The following PVALEF variants were observed in gnomAD, a reference collection of about 807,000 sequenced individuals.
PVALEF encodes the protein parvalbumin-like EF-hand-containing protein.
PVALEF carries 2 observed loss-of-function variants against 1.2 expected under a neutral mutation model. The observed-to-expected ratio is 1.68, with a 90% CI of 0.69 to 5.28. The LOEUF (loss-of-function observed/expected upper bound fraction) is 5.28. Among genes scored for constraint, PVALEF ranks in the 30% most tolerant of loss-of-function variants. The pLI, the probability that PVALEF is intolerant of heterozygous loss-of-function variation, is 0.06. For synonymous variants in PVALEF, 16 were observed against 6.5 expected (o/e 2.47, Z -2.24); for missense variants, 35 against 17.7 (o/e 1.97, Z -1.75).
intron 2 of PVALEF, among the ~76,000 whole-genome samples, chr17:81,168,971 A>C (rs1371009143): frequency 2.6e-5 from 4 of 152,258 alleles, no homozygotes; most frequent in Admixed American, 2.6e-4. Context: ...TGACCACACT[A>C]TAACATGCAT....
In PVALEF at chr17:81,183,087, T is replaced by C. The variant is rs112873801; in HGVS notation, c.*76T>C. The C allele has an allele frequency of 7.1e-3, 2,832 of 398,610 alleles. 63 individuals are homozygous for C. Among genetic ancestry groups the C allele is most frequent in the African/African-American group, 0.053 (2,595 of 48,766 alleles). The allele number at this position is 398,610 out of a possible 1,614,324, so 24.7% of individuals were successfully genotyped here. ...TGACCACGCACCTGGGCAGAAGCCG[T>C]TGGGGCCGGTAAGAGGCGGCAGCCG... On this transcript the variant is annotated 3_prime_UTR_variant, in exon 7 of 7. Coordinates refer to ENST00000637878, the MANE Select transcript of PVALEF (RefSeq NM_001354639.2).
At position 81,165,541 on chromosome 17, in the gene PVALEF, C is replaced by T; in HGVS notation, c.-714C>T. The stretch of plus-strand genomic sequence containing the variant: ...CCAGCCTGGGAAGAAGCCTCCCACG[C>T]CAGGGCCCCGGACCCAGGAGAGGCC... On this transcript the variant is annotated 5_prime_UTR_variant, in exon 1 of 7. Transcript: ENST00000637878. 1.1e-6 allele frequency: 1 copy of T among 937,604 alleles called. No homozygotes were observed. Among genetic ancestry groups the T allele is most frequent in the Non-Finnish European group, 1.5e-6 (1 of 668,260 alleles). 58.1% of individuals were successfully genotyped at this position (937,604 alleles called of 1,614,324 possible).
In PVALEF at chr17:81,165,961, G is replaced by A; in HGVS notation, c.-508+214G>A. ...ACCGGGGTCGAAGTGCGAGCTGAAGGCGAAGCTGGGGTTGAAGAAGGACGA... is the reference window on the plus strand; with the variant it reads ...ACCGGGGTCGAAGTGCGAGCTGAAGACGAAGCTGGGGTTGAAGAAGGACGA... On this transcript the variant is annotated intron_variant, in intron 1 of 6. Coordinates refer to ENST00000637878, the MANE Select transcript of PVALEF (RefSeq NM_001354639.2). The A allele has an allele frequency of 2.5e-6, 4 of 1,585,982 alleles. No homozygotes were observed. In the East Asian group the frequency reaches 9.3e-5, roughly 37 times the overall value.
intron 2 of PVALEF, among the ~76,000 whole-genome samples, chr17:81,167,797 C>T (rs779771477): frequency 1.3e-5 from 2 of 152,236 alleles, no homozygotes; most frequent in Non-Finnish European, 2.9e-5. Flanking sequence ...GCGCTGCCGC[C>T]AGGCTGCCGT....
intron 2 of PVALEF, among the ~76,000 whole-genome samples, chr17:81,170,832 G>C (rs558377837): frequency 6.6e-6 from 1 of 152,180 alleles, no homozygotes; most frequent in Middle Eastern, 3.4e-3. Flanking sequence ...CCACCATCTT[G>C]GCCCTCTTAG....
intron 2 of PVALEF, among the ~76,000 whole-genome samples, 172 bp from the exon 3 acceptor site, chr17:81,178,746 G>A (rs1320617080): frequency 6.6e-6 from 1 of 152,204 alleles, no homozygotes; most frequent in East Asian, 1.9e-4. Flanking sequence ...CCCTCCCACT[G>A]TGTACAACCC....
chr17:81,183,020 C>CTAG lies in PVALEF; in HGVS notation c.*10_*12dup, dbSNP rs2146453085. 1.8e-5 allele frequency: 7 copies of CTAG among 398,694 alleles called. No homozygotes were observed. In the East Asian group the frequency reaches 2.5e-4, roughly 14 times the overall value. The allele number at this position is 398,694 out of a possible 1,614,324, so 24.7% of individuals were successfully genotyped here. A position where few individuals can be genotyped will look rare whatever the true frequency, so the allele number is the denominator to read the frequency against. The stretch of plus-strand genomic sequence containing the variant: ...TTCCAAAGAAGAAGTAGCACCATGA[C>CTAG]TAGCCCTGGCCAGCCAAGGGGCTCC... On this transcript the variant is annotated 3_prime_UTR_variant, in exon 7 of 7. Coordinates refer to ENST00000637878, the MANE Select transcript of PVALEF (RefSeq NM_001354639.2).
intron 5 of PVALEF, 96 bp downstream of exon 5, chr17:81,181,790 G>A (rs544426053): frequency 2.8e-5 from 11 of 398,312 alleles, no homozygotes; most frequent in African/African-American, 1.8e-4. Flanking sequence ...CCGGGTCCCC[G>A]CTGGCCTTGC....
rs2061556521 is a variant in PVALEF at position 81,182,086 on chromosome 17, G to C, written c.358+5G>C. The C allele has an allele frequency of 2.5e-6, 1 of 398,610 alleles. No homozygotes were observed. The highest frequency in any genetic ancestry group is 4.4e-6 in the Non-Finnish European group (1 of 226,174). The allele number at this position is 398,610 out of a possible 1,614,324, so 24.7% of individuals were successfully genotyped here. ...ACGGGAGGATCAACTACGAAGGTGG[G>C]GGCAGCACAGCCGGGGCACCCTCAG... On this transcript the variant is annotated splice_donor_5th_base_variant and intron_variant, in intron 6 of 6. Transcript: ENST00000637878.
At chr17:81,173,307 A>T (rs921850374) in intron 2 of PVALEF, among the ~76,000 whole-genome samples, 6 of 152,158 alleles carry the variant, frequency 3.9e-5, no homozygotes, top group Admixed American at 1.3e-4. Context: ...CCACTGGAGG[A>T]AGCCAGGTTG....
chr17:81,180,704 T>G (rs1356430945), intron 3 of PVALEF, among the ~76,000 whole-genome samples: 3 of 152,172 alleles, frequency 2.0e-5, no homozygotes, highest in Non-Finnish European at 4.4e-5. Flanking sequence ...GCGCCAGGGT[T>G]GGGTTGCAAC....
chr17:81,170,016 A>G (rs1220647157), intron 2 of PVALEF, among the ~76,000 whole-genome samples: 3 of 140,074 alleles, frequency 2.1e-5, no homozygotes, highest in African/African-American at 5.4e-5. Flanking sequence ...CTGCATGTGT[A>G]TGTGCATATG....
chr17:81,168,015 A>G (rs1484472158), intron 2 of PVALEF, among the ~76,000 whole-genome samples: 1 of 152,098 alleles, frequency 6.6e-6, no homozygotes, highest in Non-Finnish European at 1.5e-5. Context: ...AGGGTATGGC[A>G]TACCCTCATG....
chr17:81,167,565 C>A (rs1374207643), intron 2 of PVALEF, among the ~76,000 whole-genome samples: 1 of 152,196 alleles, frequency 6.6e-6, no homozygotes, highest in Non-Finnish European at 1.5e-5. Context: ...GGCCACGGGG[C>A]AGATGGGCAC....
At chr17:81,165,825 C>T (rs553480752) in intron 1 of PVALEF, 78 bp downstream of exon 1, 23 of 1,507,784 alleles carry the variant, frequency 1.5e-5, no homozygotes, top group South Asian at 6.2e-5. Context: ...CTGCTGGGCT[C>T]GGGGCGGGGA....
At chr17:81,169,766 ATGTG>A (rs375125487) in intron 2 of PVALEF, among the ~76,000 whole-genome samples, 4 of 151,608 alleles carry the variant, frequency 2.6e-5, no homozygotes, top group East Asian at 1.9e-4. Flanking sequence ...GTGTGTATGC[ATGTG>A]TGTCTGTGCA....
At chr17:81,178,242 C>T (rs1598250566) in intron 2 of PVALEF, among the ~76,000 whole-genome samples, 1 of 152,202 alleles carries the variant, frequency 6.6e-6, no homozygotes, top group Non-Finnish European at 1.5e-5. Context: ...GAGGCTACCA[C>T]GGCCTATGTA....
At chr17:81,180,984 G>C in intron 3 of PVALEF, 139 bp from the exon 4 acceptor site, 1 of 463,716 alleles carries the variant, frequency 2.2e-6, no homozygotes, top group South Asian at 3.2e-5. Context: ...GCCGTGAGGC[G>C]CACAGGATGG....
intron 2 of PVALEF, 60 bp downstream of exon 2, chr17:81,166,904 C>T (rs574370477): frequency 1.3e-4 from 43 of 333,544 alleles, no homozygotes; most frequent in Middle Eastern, 8.7e-4. Flanking sequence ...CTATGTTTCT[C>T]CCAGGATCCC....
Sources: gnomAD v4.1 joint callset for allele counts (sites outside exome capture counted in the v4.1 genomes callset) on GRCh38, gnomAD v4.1.1 for gene constraint, MANE v1.5 for transcripts, NCBI Gene and HGNC (gene_info 2026-07-23, HGNC 2026-07-21) for gene names.